Variants in CEP15 observed in about 807,000 individuals in gnomAD.
The protein encoded by CEP15 is centrosomal protein 15, also known as centrosomal protein 15 kDa.
the CEP15 span, among the ~76,000 whole-genome samples, chr3:62,327,081 C>A: frequency 2.6e-5 from 4 of 152,132 alleles, no homozygotes; most frequent in African/African-American, 4.8e-5. Context: ...ACCTTTTCAT[C>A]CACTTTTAAT....
At chr3:62,328,155 G>C in the CEP15 span, among the ~76,000 whole-genome samples, 3 of 152,140 alleles carry the variant, frequency 2.0e-5, no homozygotes, top group Non-Finnish European at 4.4e-5. Flanking sequence ...TTGTTTTGTT[G>C]TTGTTGTTAA....
At chr3:62,330,073 T>A in the CEP15 span, among the ~76,000 whole-genome samples, 42 of 152,278 alleles carry the variant, frequency 2.8e-4, no homozygotes, top group African/African-American at 9.6e-4. Flanking sequence ...TTCCTTCAAA[T>A]CACCTTCCTC....
the CEP15 span, chr3:62,334,490 G>A: frequency 5.9e-5 from 9 of 151,972 alleles, no homozygotes; most frequent in Non-Finnish European, 1.3e-4. This position sits in a 1 kb window ranked among gnomAD's most constrained non-coding sequence, Gnocchi z 4.9. Context: ...TGTTGGTGTG[G>A]GTAACAATAA....
At chr3:62,320,183 CTTGT>C in the CEP15 span, among the ~76,000 whole-genome samples, 2 of 152,064 alleles carry the variant, frequency 1.3e-5, no homozygotes, top group East Asian at 3.8e-4. Flanking sequence ...GTACCAGCTG[CTTGT>C]TTGTTTTTAA....
At chr3:62,323,175 G>A in the CEP15 span, among the ~76,000 whole-genome samples, 1 of 152,098 alleles carries the variant, frequency 6.6e-6, no homozygotes, top group African/African-American at 2.4e-5. Context: ...GCTAGTTCTG[G>A]GCAGAAAGTA....
chr3:62,331,503 T>G, the CEP15 span: 2 of 988,476 alleles, frequency 2.0e-6, no homozygotes, highest in Non-Finnish European at 3.1e-6. Context: ...GATATATTTA[T>G]TCAGTAAATT....
chr3:62,322,242 A>G, the CEP15 span: 2 of 530,346 alleles, frequency 3.8e-6, no homozygotes, highest in African/African-American at 4.0e-5. This position sits in a 1 kb window ranked among gnomAD's most constrained non-coding sequence, Gnocchi z 5.5. Flanking sequence ...TTTTAAATTA[A>G]AAAAATTGAA....
chr3:62,320,624 C>T, the CEP15 span: 1 of 827,252 alleles, frequency 1.2e-6, no homozygotes. Flanking sequence ...GCAAGCATGT[C>T]ATTTTAATTT....
At chr3:62,331,527 C>A in the CEP15 span, 1 of 748,094 alleles carries the variant, frequency 1.3e-6, no homozygotes, top group Non-Finnish European at 2.2e-6. Context: ...GAAGATATGC[C>A]TGTTTGAGCT....
chr3:62,332,170 C>T, the CEP15 span, among the ~76,000 whole-genome samples: 1 of 152,094 alleles, frequency 6.6e-6, no homozygotes, highest in Non-Finnish European at 1.5e-5. Context: ...ATACCTTACT[C>T]TGGCATATAC....
the CEP15 span, among the ~76,000 whole-genome samples, chr3:62,331,820 T>C: frequency 6.6e-6 from 1 of 152,152 alleles, no homozygotes; most frequent in African/African-American, 2.4e-5. Flanking sequence ...TATCATACAA[T>C]ATAGTATGGC....
the CEP15 span, chr3:62,321,906 A>G: frequency 6.5e-7 from 1 of 1,549,162 alleles, no homozygotes; most frequent in Non-Finnish European, 8.7e-7. The surrounding 1 kb of genome is among the most constrained non-coding windows in gnomAD (Gnocchi z 4.1). Context: ...TTTTAACTCT[A>G]TATAATCTTC....
At chr3:62,334,811 A>G in the CEP15 span, 3 of 152,132 alleles carry the variant, frequency 2.0e-5, no homozygotes, top group African/African-American at 7.2e-5. This position sits in a 1 kb window ranked among gnomAD's most constrained non-coding sequence, Gnocchi z 4.9. Flanking sequence ...TTTCTGTTAC[A>G]TTACAGTTTG....
chr3:62,327,927 G>A, the CEP15 span, among the ~76,000 whole-genome samples: 1 of 152,070 alleles, frequency 6.6e-6, no homozygotes, highest in Non-Finnish European at 1.5e-5. Context: ...TTTTACTATG[G>A]GGAAGCCTCT....
the CEP15 span, among the ~76,000 whole-genome samples, chr3:62,325,731 G>A: frequency 7.2e-5 from 11 of 152,258 alleles, no homozygotes; most frequent in Non-Finnish European, 1.3e-4. Flanking sequence ...GTTTTATCTA[G>A]AAAGGCAATT....
At chr3:62,327,680 T>C in the CEP15 span, among the ~76,000 whole-genome samples, 6 of 152,374 alleles carry the variant, frequency 3.9e-5, no homozygotes, top group South Asian at 6.2e-4. Flanking sequence ...GTAACTTATA[T>C]GAAGAGAATC....
the CEP15 span, among the ~76,000 whole-genome samples, chr3:62,322,923 C>A: frequency 6.6e-6 from 1 of 152,150 alleles, no homozygotes; most frequent in Non-Finnish European, 1.5e-5. This position sits in a 1 kb window ranked among gnomAD's most constrained non-coding sequence, Gnocchi z 5.5. Context: ...AAGTCACAGC[C>A]ATAGTGCTAC....
the CEP15 span, among the ~76,000 whole-genome samples, chr3:62,332,178 T>C: frequency 9.2e-5 from 14 of 152,090 alleles, no homozygotes; most frequent in Admixed American, 6.6e-4. Flanking sequence ...CTCTGGCATA[T>C]ACAGGACCCA....
At chr3:62,327,906 A>C in the CEP15 span, among the ~76,000 whole-genome samples, 1 of 152,130 alleles carries the variant, frequency 6.6e-6, no homozygotes, top group African/African-American at 2.4e-5. Context: ...TTTATGCCTG[A>C]TGTGTCCCAT....
Sources: allele counts gnomAD v4.1 joint callset (sites outside exome capture counted in the v4.1 genomes callset), GRCh38; gene constraint gnomAD v4.1.1; non-coding constraint Gnocchi (gnomAD v3.1); transcripts MANE v1.5; gene names NCBI Gene and HGNC (gene_info 2026-07-23, HGNC 2026-07-21).